FAT4: variants seen among roughly 807,000 people sequenced by gnomAD.
FAT4 encodes FAT atypical cadherin 4.
Under a neutral mutation model 303.9 loss-of-function variants are expected in FAT4, and 84 were observed. The ratio of observed to expected loss-of-function variants is 0.28; its 90% confidence interval spans 0.23 to 0.33. The LOEUF is 0.33. Ranked by LOEUF, FAT4 falls within the 10% of genes least tolerant of loss-of-function variation. The probability of loss-of-function intolerance (pLI) is 1.00; values close to 1 mark genes in which losing one functional copy is unlikely to be tolerated. For missense variants in FAT4, 6,005 were observed against 6,146.8 expected (o/e 0.98, Z 0.77); for synonymous variants, 2,307 against 2,298.8 (o/e 1.00, Z -0.10).
At chr4:125,444,917 G>A (rs1725777539) in intron 8 of FAT4, among the ~76,000 whole-genome samples, 2 of 151,974 alleles carry the variant, frequency 1.3e-5, no homozygotes, top group Non-Finnish European at 2.9e-5. Flanking sequence ...TGATTATTTT[G>A]TGAGTCCTGA....
In FAT4 at chr4:125,405,542, G is replaced by A. The variant is rs562844939; in HGVS notation, c.5308-1338G>A. ...TTTTTTTTTTTGAGACAAGAGTCTC[G>A]CTCTGTTACCTAGGCTACAGTACAG... On this transcript the variant is annotated intron_variant, in intron 3 of 17. Coordinates refer to ENST00000394329, the MANE Select transcript of FAT4 (RefSeq NM_001291303.3). 1.7e-4 allele frequency among the ~76,000 whole-genome samples: 26 copies of A among 150,542 alleles called. No homozygotes were observed. The East Asian group carries it at 3.5e-3, about 20-fold the overall frequency.
chr4:125,410,978 A>T (rs1197701784), intron 5 of FAT4, among the ~76,000 whole-genome samples: 2 of 152,122 alleles, frequency 1.3e-5, no homozygotes, highest in Admixed American at 6.6e-5. Context: ...AAGGACAGTG[A>T]TAAGGCTATA....
chr4:125,330,278 G>A (rs1181495835), intron 2 of FAT4, among the ~76,000 whole-genome samples: 1 of 151,590 alleles, frequency 6.6e-6, no homozygotes, highest in South Asian at 2.1e-4. Flanking sequence ...ACTTATTATT[G>A]TAACTATCCC....
intron 12 of FAT4, 30 bp from the exon 13 acceptor site, chr4:125,476,141 A>C (rs1230650677): frequency 6.9e-7 from 1 of 1,450,478 alleles, no homozygotes; most frequent in Non-Finnish European, 9.6e-7. Flanking sequence ...TAGAACTCAA[A>C]GTTGAATGTT....
intron 2 of FAT4, among the ~76,000 whole-genome samples, chr4:125,391,233 G>C (rs944307587): frequency 6.6e-6 from 1 of 152,068 alleles, no homozygotes; most frequent in African/African-American, 2.4e-5. Flanking sequence ...GTTTACTGCA[G>C]CTCTATTTAC....
At chr4:125,448,171 T>C (rs1472817608) in intron 9 of FAT4, among the ~76,000 whole-genome samples, 1 of 152,116 alleles carries the variant, frequency 6.6e-6, no homozygotes, top group Non-Finnish European at 1.5e-5. Flanking sequence ...TTTGAACGAT[T>C]AGCAAGTTCT....
chr4:125,448,700 G>T lies in FAT4; in HGVS notation c.7690G>T (p.Ala2564Ser). 6.2e-7 allele frequency: 1 copy of T among 1,613,890 alleles called. No individual in the cohort carries two copies. The highest frequency in any genetic ancestry group is 1.7e-5 in the Admixed American group (1 of 59,986). The change falls in exon 10 of 18, where the codon GCC becomes TCC. Residue 2564 changes from alanine to serine, a missense_variant. Ala to Ser is a moderately conservative substitution (Grantham distance 99). Transcript: ENST00000394329. ...TTVTVRFVNKADFPKVRAKEQ... is the reference protein window; with the variant it reads ...TTVTVRFVNKSDFPKVRAKEQ... ...AGTGACTGTTAGATTCGTGAATAAG[G>T]CCGATTTCCCTAAAGTGAGAGCCAA... is the stretch of plus-strand genomic sequence containing the variant.
chr4:125,352,673 A>G (rs1732271479), intron 2 of FAT4, among the ~76,000 whole-genome samples: 1 of 151,880 alleles, frequency 6.6e-6, no homozygotes, highest in Admixed American at 6.6e-5. Flanking sequence ...TTCAGAGACA[A>G]GTTCTTCAGA....
rs369716271 is a variant in FAT4, at chr4:125,321,347, A to C, written c.4936A>C (p.Thr1646Pro). 1 of 1,614,198 alleles carries C rather than the reference A, an allele frequency of 6.2e-7. No homozygotes were observed. The change falls in exon 2 of 18, where the codon ACA (threonine) becomes CCA (proline). Residue 1646 changes from threonine (T) to proline (P), a missense_variant. By Grantham distance (38) the Thr-to-Pro change is conservative. Transcript: ENST00000394329. ...TILKEGEPIGTNVISIEAASP... is the reference protein window; with the variant it reads ...TILKEGEPIGPNVISIEAASP... ...TTTGAAGGAAGGAGAACCCATTGGC[A>C]CAAACGTGATATCAATAGAAGCAGC...
chr4:125,461,686 A>G (rs1217869426), intron 10 of FAT4, among the ~76,000 whole-genome samples: 1 of 152,042 alleles, frequency 6.6e-6, no homozygotes, highest in African/African-American at 2.4e-5. Flanking sequence ...ACAAGTGAAA[A>G]TTATGTGTGC....
intron 2 of FAT4, among the ~76,000 whole-genome samples, chr4:125,327,938 CTG>C (rs1560761281): frequency 6.6e-6 from 1 of 152,102 alleles, no homozygotes; most frequent in African/African-American, 2.4e-5. Flanking sequence ...GCATTAGTGA[CTG>C]TAGCAAACTG....
At chr4:125,325,735 A>G (rs1260942428) in intron 2 of FAT4, among the ~76,000 whole-genome samples, 1 of 152,164 alleles carries the variant, frequency 6.6e-6, no homozygotes, top group Non-Finnish European at 1.5e-5. Context: ...AAGAAAACTT[A>G]TTTACCTTTT....
intron 2 of FAT4, among the ~76,000 whole-genome samples, chr4:125,397,850 C>G (rs1335329106): frequency 1.3e-5 from 2 of 152,038 alleles, no homozygotes; most frequent in East Asian, 1.9e-4. Flanking sequence ...GTTTTTACAG[C>G]ATAATTATAA....
At chr4:125,347,790 A>G (rs1298683067) in intron 2 of FAT4, among the ~76,000 whole-genome samples, 2 of 151,830 alleles carry the variant, frequency 1.3e-5, no homozygotes, top group African/African-American at 2.4e-5. Flanking sequence ...AAGAAGACCC[A>G]AGACTTTATA....
intron 15 of FAT4, 33 bp downstream of exon 15, chr4:125,479,898 T>G (rs781456711): frequency 3.4e-6 from 5 of 1,478,118 alleles, no homozygotes; most frequent in Non-Finnish European, 4.6e-6. Flanking sequence ...CCCTGGAAAT[T>G]TTAATAACTA....
Position 125,451,825 on chromosome 4 carries a change from A to G in FAT4, c.10815A>G (p.Thr3605=), listed in dbSNP as rs756748281. 1.2e-6 allele frequency: 2 copies of G among 1,614,162 alleles called. No individual in the cohort carries two copies. Among genetic ancestry groups the G allele is most frequent in the South Asian group, 1.1e-5 (1 of 91,082 alleles). ...QMSSTGTVHI[T]VIDQNDNPSQ... ...CTTCCACAGGAACTGTGCATATCACAGTTATAGACCAAAATGACAATCCTT... is the reference window on the plus strand; with the variant it reads ...CTTCCACAGGAACTGTGCATATCACGGTTATAGACCAAAATGACAATCCTT... Residue 3605 remains threonine (T), a synonymous_variant, in exon 10 of 18, where the codon ACA becomes ACG. Coordinates refer to ENST00000394329, the MANE Select transcript of FAT4 (RefSeq NM_001291303.3).
chr4:125,402,801 T>G (rs1349899132), intron 3 of FAT4, among the ~76,000 whole-genome samples: 1 of 152,048 alleles, frequency 6.6e-6, no homozygotes, highest in Non-Finnish European at 1.5e-5. Flanking sequence ...TTCCTAATAT[T>G]CTCATTGAGA....
At position 125,382,192 on chromosome 4, in the gene FAT4, T is replaced by A. The variant is rs1196803861; in HGVS notation, c.5176-16592T>A. On this transcript the variant is annotated intron_variant, in intron 2 of 17. Coordinates refer to ENST00000394329, the MANE Select transcript of FAT4 (RefSeq NM_001291303.3). ...TCCCATGAATCACAAATGTCTTTAA[T>A]GGCATCTAGAATGGTGAATTCTTTC... 2.6e-5 allele frequency among the ~76,000 whole-genome samples: 4 copies of A among 152,326 alleles called. No individual in the cohort carries two copies. In the South Asian group the frequency reaches 8.3e-4, roughly 32 times the overall value.
chr4:125,371,355 T>A (rs1733106839), intron 2 of FAT4, among the ~76,000 whole-genome samples: 1 of 151,860 alleles, frequency 6.6e-6, no homozygotes, highest in South Asian at 2.1e-4. Flanking sequence ...TTATACTGTG[T>A]ATGCCTTTTT....
Sources: allele counts gnomAD v4.1 joint callset (sites outside exome capture counted in the v4.1 genomes callset), GRCh38; gene constraint gnomAD v4.1.1; transcripts MANE v1.5; gene names NCBI Gene and HGNC (gene_info 2026-07-23, HGNC 2026-07-21).